The following NKAIN2 variants were observed in gnomAD, a reference collection of about 807,000 sequenced individuals.
NKAIN2 encodes the protein sodium/potassium-transporting ATPase subunit beta-1-interacting protein 2.
NKAIN2 carries 14 observed loss-of-function variants against 32.6 expected under a neutral mutation model. The observed-to-expected ratio is 0.43, with a 90% CI of 0.28 to 0.67. The LOEUF is 0.67. Ranked by LOEUF, NKAIN2 falls within the 30% of genes least tolerant of loss-of-function variation. The probability of loss-of-function intolerance (pLI) is 0.17; values close to 1 mark genes in which losing one functional copy is unlikely to be tolerated. For missense variants in NKAIN2, 198 were observed against 258.3 expected (o/e 0.77, Z 1.60); for synonymous variants, 80 against 87.2 (o/e 0.92, Z 0.46).
At chr6:124,525,592 A>G (rs1779280487) in intron 3 of NKAIN2, among the ~76,000 whole-genome samples, 2 of 152,204 alleles carry the variant, frequency 1.3e-5, no homozygotes, top group Non-Finnish European at 1.5e-5. Flanking sequence ...CATTTTATAA[A>G]CAATGGATTA....
At chr6:124,156,094 A>C (rs1787974732) in intron 1 of NKAIN2, among the ~76,000 whole-genome samples, 1 of 152,080 alleles carries the variant, frequency 6.6e-6, no homozygotes, top group Non-Finnish European at 1.5e-5. Context: ...AAAGATGTGC[A>C]TTCTGAGCTA....
intron 1 of NKAIN2, among the ~76,000 whole-genome samples, chr6:124,055,787 T>C (rs1782616381): frequency 6.6e-6 from 1 of 152,036 alleles, no homozygotes; most frequent in South Asian, 2.1e-4. Context: ...TTAACAAAAA[T>C]GTGCATTATT....
At chr6:124,001,633 A>T (rs1158107705) in intron 1 of NKAIN2, among the ~76,000 whole-genome samples, 1 of 151,774 alleles carries the variant, frequency 6.6e-6, no homozygotes, top group Non-Finnish European at 1.5e-5. Flanking sequence ...GACTACTATT[A>T]GGAAGTGAAA....
intron 3 of NKAIN2, among the ~76,000 whole-genome samples, chr6:124,530,693 G>GTCTTAGTT (rs1779491962): frequency 6.6e-6 from 1 of 152,158 alleles, no homozygotes; most frequent in African/African-American, 2.4e-5. Flanking sequence ...GTGTAATTTA[G>GTCTTAGTT]TCTTAGTTTG....
chr6:123,999,091 A>G (rs1161759680), intron 1 of NKAIN2, among the ~76,000 whole-genome samples: 1 of 152,046 alleles, frequency 6.6e-6, no homozygotes, highest in Non-Finnish European at 1.5e-5. Flanking sequence ...ATGCATAGAA[A>G]TGAAACTAAA....
intron 1 of NKAIN2, among the ~76,000 whole-genome samples, chr6:123,898,918 T>C (rs898185270): frequency 6.6e-6 from 1 of 152,214 alleles, no homozygotes; most frequent in Non-Finnish European, 1.5e-5. Context: ...TTCTCTCAAC[T>C]GCCTTCATAA....
chr6:124,284,788 A>G (rs1382333298), intron 2 of NKAIN2, among the ~76,000 whole-genome samples: 1 of 151,982 alleles, frequency 6.6e-6, no homozygotes, highest in African/African-American at 2.4e-5. Flanking sequence ...ATTATTATTT[A>G]AAAATAATAC....
At chr6:123,894,223 G>T (rs1774164862) in intron 1 of NKAIN2, among the ~76,000 whole-genome samples, 1 of 152,094 alleles carries the variant, frequency 6.6e-6, no homozygotes, top group Admixed American at 6.5e-5. Flanking sequence ...TTCATGGCTG[G>T]TGACTGCAAA....
At chr6:124,183,714 T>C (rs962611862) in intron 1 of NKAIN2, among the ~76,000 whole-genome samples, 1 of 152,174 alleles carries the variant, frequency 6.6e-6, no homozygotes, top group African/African-American at 2.4e-5. Context: ...CTGGGTTTCA[T>C]CTAGGAAATC....
chr6:124,291,351 T>C (rs1279711825), intron 2 of NKAIN2, among the ~76,000 whole-genome samples: 1 of 131,616 alleles, frequency 7.6e-6, no homozygotes, highest in Admixed American at 7.1e-5. Context: ...AATTGTGTAG[T>C]CTTTTTTTTA....
At chr6:124,181,865 T>C (rs1156781142) in intron 1 of NKAIN2, among the ~76,000 whole-genome samples, 2 of 152,198 alleles carry the variant, frequency 1.3e-5, no homozygotes, top group African/African-American at 2.4e-5. Context: ...TCTTTGTGTC[T>C]TCTTCTGAGC....
At chr6:124,584,975 G>A (rs904848781) in intron 3 of NKAIN2, among the ~76,000 whole-genome samples, 2 of 152,124 alleles carry the variant, frequency 1.3e-5, no homozygotes, top group African/African-American at 4.8e-5. Context: ...CTCCCCTAAA[G>A]GGAATCAGCA....
chr6:124,780,350 G>A (rs1779202803), intron 4 of NKAIN2, among the ~76,000 whole-genome samples: 1 of 152,194 alleles, frequency 6.6e-6, no homozygotes, highest in Admixed American at 6.5e-5. Context: ...GGTGCTATAT[G>A]AGCACAGAGA....
At chr6:124,731,358 A>T (rs562950462) in intron 4 of NKAIN2, among the ~76,000 whole-genome samples, 3 of 152,106 alleles carry the variant, frequency 2.0e-5, no homozygotes, top group Non-Finnish European at 4.4e-5. Context: ...TGGCACATAC[A>T]CCATGGAATA....
chr6:124,182,170 A>T (rs947161032), intron 1 of NKAIN2, among the ~76,000 whole-genome samples: 10 of 152,172 alleles, frequency 6.6e-5, no homozygotes, highest in African/African-American at 2.4e-4. Context: ...AAACCATCGT[A>T]TCTCATGAGA....
chr6:124,250,987 A>G (rs948170654), intron 1 of NKAIN2, among the ~76,000 whole-genome samples: 3 of 151,974 alleles, frequency 2.0e-5, no homozygotes, highest in Admixed American at 6.6e-5. Flanking sequence ...TAAAACAGCT[A>G]AAGTAATCAC....
Position 124,133,834 on chromosome 6 carries a change from C to T in NKAIN2, c.55-149171C>T, listed in dbSNP as rs138786937. 3.6e-3 allele frequency among the ~76,000 whole-genome samples: 551 copies of T among 151,798 alleles called. 6 individuals are homozygous for T. Among genetic ancestry groups the T allele is most frequent in the African/African-American group, 0.013 (537 of 41,378 alleles). ...GCTAAAATAAACATTAAAGTCTGATCCTTACGAGGGGAAAAAAGAAATTTA... is the reference window on the plus strand; with the variant it reads ...GCTAAAATAAACATTAAAGTCTGATTCTTACGAGGGGAAAAAAGAAATTTA... On this transcript the variant is annotated intron_variant, in intron 1 of 6. Transcript: ENST00000368417.
chr6:124,229,863 T>G (rs1211215089), intron 1 of NKAIN2, among the ~76,000 whole-genome samples: 1 of 152,114 alleles, frequency 6.6e-6, no homozygotes, highest in African/African-American at 2.4e-5. Flanking sequence ...TTCTTCCCAG[T>G]CTCAGGTATG....
At chr6:124,633,407 T>C (rs969966534) in intron 3 of NKAIN2, among the ~76,000 whole-genome samples, 2 of 152,184 alleles carry the variant, frequency 1.3e-5, no homozygotes, top group Middle Eastern at 3.2e-3. Context: ...ACTTGTAATC[T>C]TTAAAATGAA....
Sources: gnomAD v4.1 joint callset for allele counts (sites outside exome capture counted in the v4.1 genomes callset) on GRCh38, gnomAD v4.1.1 for gene constraint, MANE v1.5 for transcripts, NCBI Gene and HGNC (gene_info 2026-07-23, HGNC 2026-07-21) for gene names.